ATE1: variants seen among roughly 807,000 people sequenced by gnomAD.
The protein encoded by ATE1 is arginyltransferase 1.
Under a neutral mutation model 70.5 loss-of-function variants are expected in ATE1, and 36 were observed. The ratio of observed to expected loss-of-function variants is 0.51; its 90% CI spans 0.39 to 0.67. ATE1 has a LOEUF of 0.67. ATE1 is among the 30% of genes least tolerant of loss of function. The pLI is 0.00. For synonymous variants in ATE1, 232 were observed against 219.3 expected (o/e 1.06, Z -0.51); for missense variants, 593 against 629.5 (o/e 0.94, Z 0.62).
rs11447691 is a variant in ATE1, at chr10:121,811,302, G to GA, written c.1258-21014dup. The stretch of plus-strand genomic sequence containing the variant: ...GAGAGAGAGGGGGAGAAAAGAGGGA[G>GA]AAAAAAATGACAACAGATATAGCAA... On this transcript the variant is annotated intron_variant, in intron 10 of 11. Coordinates refer to ENST00000224652, the MANE Select transcript of ATE1 (RefSeq NM_001001976.3). Among the ~76,000 whole-genome samples, 1,182 of 152,060 alleles carry GA rather than the reference G, an allele frequency of 7.8e-3. 18 individuals carry two copies. Among genetic ancestry groups the GA allele is most frequent in the African/African-American group, 0.028 (1,142 of 41,444 alleles).
intron 10 of ATE1, among the ~76,000 whole-genome samples, chr10:121,823,336 G>A (rs977042485): frequency 1.3e-5 from 2 of 151,956 alleles, no homozygotes; most frequent in Non-Finnish European, 2.9e-5. Flanking sequence ...ATGAGAAGAG[G>A]TCATGGAAGT....
At chr10:121,789,065 G>A (rs1946325457) in intron 11 of ATE1, among the ~76,000 whole-genome samples, 2 of 152,168 alleles carry the variant, frequency 1.3e-5, no homozygotes, top group African/African-American at 4.8e-5. Context: ...TATATAGGAT[G>A]CAGCATTCTA....
intron 10 of ATE1, among the ~76,000 whole-genome samples, chr10:121,813,692 A>G (rs1947416184): frequency 6.6e-6 from 1 of 152,214 alleles, no homozygotes; most frequent in Non-Finnish European, 1.5e-5. Context: ...ATAAGAGATC[A>G]TAATTCAAGA....
intron 10 of ATE1, among the ~76,000 whole-genome samples, chr10:121,797,348 A>G (rs1946698101): frequency 6.6e-6 from 1 of 152,134 alleles, no homozygotes; most frequent in Admixed American, 6.5e-5. Context: ...TGTAATTCAT[A>G]TACCATTAAA....
intron 8 of ATE1, among the ~76,000 whole-genome samples, chr10:121,857,327 C>T (rs1949284290): frequency 2.0e-5 from 3 of 152,058 alleles, no homozygotes; most frequent in Admixed American, 2.0e-4. Flanking sequence ...CCATGTGTAC[C>T]CAAGGTTTAG....
At chr10:121,751,115 GA>G (rs949437286) in intron 11 of ATE1, among the ~76,000 whole-genome samples, 1 of 152,204 alleles carries the variant, frequency 6.6e-6, no homozygotes, top group African/African-American at 2.4e-5. Flanking sequence ...GGGAGGCTCA[GA>G]AATTAATTTG....
At chr10:121,909,158 T>G (rs1432303905) in intron 5 of ATE1, among the ~76,000 whole-genome samples, 1 of 152,156 alleles carries the variant, frequency 6.6e-6, no homozygotes, top group African/African-American at 2.4e-5. Context: ...CTGGCTAATA[T>G]TTTGTATTTC....
chr10:121,904,916 G>C (rs1951132627), intron 5 of ATE1, among the ~76,000 whole-genome samples: 1 of 152,118 alleles, frequency 6.6e-6, no homozygotes, highest in Admixed American at 6.6e-5. Context: ...ATTAAAAAAT[G>C]ACTTTAAATA....
chr10:121,817,666 T>C (rs1174438355), intron 10 of ATE1, among the ~76,000 whole-genome samples: 2 of 151,994 alleles, frequency 1.3e-5, no homozygotes, highest in African/African-American at 2.4e-5. Context: ...TAAGCTGCAA[T>C]GGAAACAGTA....
At chr10:121,838,115 T>C (rs1265631115) in intron 9 of ATE1, among the ~76,000 whole-genome samples, 1 of 152,162 alleles carries the variant, frequency 6.6e-6, no homozygotes, top group Non-Finnish European at 1.5e-5. Flanking sequence ...TGCCCTTGGA[T>C]GACTGCAGCA....
intron 10 of ATE1, among the ~76,000 whole-genome samples, chr10:121,827,037 T>C (rs1482654527): frequency 1.3e-5 from 2 of 150,620 alleles, no homozygotes; most frequent in African/African-American, 4.9e-5. Flanking sequence ...TTTTTTGAGA[T>C]GGAGTCTCTC....
At chr10:121,810,153 A>G (rs957500549) in intron 10 of ATE1, among the ~76,000 whole-genome samples, 4 of 152,232 alleles carry the variant, frequency 2.6e-5, no homozygotes, top group Admixed American at 2.0e-4. Flanking sequence ...CTTTCTTTAA[A>G]TATCTATTCC....
intron 11 of ATE1, among the ~76,000 whole-genome samples, chr10:121,759,735 A>AAAAAAAAGT (rs1319565667): frequency 6.6e-6 from 1 of 151,930 alleles, no homozygotes; most frequent in Non-Finnish European, 1.5e-5. Flanking sequence ...AAAAAAAAAA[A>AAAAAAAAGT]AAAAAAAGTA....
chr10:121,778,148 G>A (rs959422355), intron 11 of ATE1, among the ~76,000 whole-genome samples: 4 of 152,146 alleles, frequency 2.6e-5, no homozygotes, highest in Non-Finnish European at 4.4e-5. Context: ...AAAACCTCAC[G>A]TTTAACAGCT....
chr10:121,873,440 T>C (rs1949929208), intron 7 of ATE1, among the ~76,000 whole-genome samples: 1 of 152,144 alleles, frequency 6.6e-6, no homozygotes, highest in Non-Finnish European at 1.5e-5. Flanking sequence ...CATTGTTCTA[T>C]TCATCATCGG....
At chr10:121,918,260 G>A (rs977926151) in intron 3 of ATE1, among the ~76,000 whole-genome samples, 3 of 151,844 alleles carry the variant, frequency 2.0e-5, no homozygotes, top group African/African-American at 7.3e-5. Context: ...TTGAACCTGG[G>A]AGGCGGAGGT....
chr10:121,800,373 AC>A lies in ATE1; in HGVS notation c.1258-10085del, dbSNP rs796177956. On this transcript the variant is annotated intron_variant, in intron 10 of 11. Transcript: ENST00000224652. ...GGCCGATTGCAATAAAATTGAAGTTACCAATTCACGCCCTGCCATTTTGATG... is the reference window on the plus strand; with the variant it reads ...GGCCGATTGCAATAAAATTGAAGTTACAATTCACGCCCTGCCATTTTGATG... Among the ~76,000 whole-genome samples, 14 of 152,328 alleles carry A rather than the reference AC, an allele frequency of 9.2e-5. No individual in the cohort carries two copies. The East Asian group carries it at 2.3e-3, about 25-fold the overall frequency.
At chr10:121,781,261 C>T (rs933380280) in intron 11 of ATE1, among the ~76,000 whole-genome samples, 5 of 152,096 alleles carry the variant, frequency 3.3e-5, no homozygotes, top group Admixed American at 1.3e-4. Flanking sequence ...ACTATGGTGC[C>T]GTCCTGTAAA....
intron 11 of ATE1, among the ~76,000 whole-genome samples, chr10:121,789,152 A>G (rs1164068076): frequency 6.6e-6 from 1 of 152,194 alleles, no homozygotes; most frequent in East Asian, 1.9e-4. Context: ...TCCTCATTAC[A>G]GCTAGTAGGT....
Sources: gnomAD v4.1 joint callset for allele counts (sites outside exome capture counted in the v4.1 genomes callset) on GRCh38, gnomAD v4.1.1 for gene constraint, MANE v1.5 for transcripts, NCBI Gene and HGNC (gene_info 2026-07-23, HGNC 2026-07-21) for gene names.